Variants in AMZ1 observed in about 807,000 individuals in gnomAD.
AMZ1 encodes archaelysin family metallopeptidase 1.
A neutral mutation model predicts 29.9 loss-of-function variants in AMZ1; 39 were observed. The observed-to-expected ratio is 1.30, with a 90% CI of 1.01 to 1.70. The LOEUF is 1.70. Ranked by LOEUF, AMZ1 falls within the 40% of genes most tolerant of loss-of-function variation. The pLI is 0.00. For missense variants in AMZ1, 1,041 were observed against 680.6 expected, an observed-to-expected ratio of 1.53 and a Z score of -5.89; for synonymous variants, 458 against 304.0, an observed-to-expected ratio of 1.51 and a Z score of -5.27.
Position 2,712,445 on chromosome 7 carries a change from A to G in AMZ1, c.1064A>G (p.Glu355Gly). 8.7e-6 allele frequency: 14 copies of G among 1,611,792 alleles called. No individual in the cohort carries two copies. Among genetic ancestry groups the G allele is most frequent in the Non-Finnish European group, 1.2e-5 (14 of 1,179,710 alleles). Residue 355 changes from glutamate to glycine, a missense_variant, in exon 7 of 7, where the codon GAG becomes GGG. By Grantham distance (98) the Glu-to-Gly change is moderately conservative (BLOSUM62 -2). Coordinates refer to ENST00000683327, the MANE Select transcript of AMZ1 (RefSeq NM_001384743.1). The stretch of plus-strand genomic sequence containing the variant: ...AGCGCCGACTCGGGCATGTGCTGTG[A>G]GAGTGACTCGGAGCCCGGCACCAGT... The part of the protein sequence containing the change: ...PASADSGMCC[E>G]SDSEPGTSVS...
chr7:2,688,464 G>T (rs950462011), intron 1 of AMZ1, among the ~76,000 whole-genome samples, 168 bp downstream of exon 1: 3 of 152,080 alleles, frequency 2.0e-5, no homozygotes, highest in Admixed American at 2.0e-4. Context: ...GAGACGCGAA[G>T]GGCGCACTTG....
upstream of AMZ1, chr7:2,762,289 G>C (rs949647426): frequency 3.9e-6 from 1 of 255,382 alleles, no homozygotes; most frequent in East Asian, 6.8e-5. Flanking sequence ...GCACATGGCG[G>C]GGCCGGCGTG....
intron 5 of AMZ1, 111 bp from the exon 6 acceptor site, chr7:2,709,529 G>C: frequency 6.8e-7 from 1 of 1,463,048 alleles, no homozygotes; most frequent in South Asian, 1.3e-5. Flanking sequence ...CCACCTCCCG[G>C]CCATCTGGCC....
intron 4 of AMZ1, among the ~76,000 whole-genome samples, chr7:2,755,199 T>G (rs992125341): frequency 6.6e-6 from 1 of 151,984 alleles, no homozygotes; most frequent in Non-Finnish European, 1.5e-5. Flanking sequence ...TCAGGGAGAG[T>G]GGCCCCTCCC....
chr7:2,755,334 T>A (rs1472554437), intron 4 of AMZ1, among the ~76,000 whole-genome samples: 2 of 152,248 alleles, frequency 1.3e-5, no homozygotes, highest in Non-Finnish European at 2.9e-5. Context: ...CAAATCTGTG[T>A]ATCAATCAGG....
At chr7:2,709,938 A>G (rs1012800027) in intron 6 of AMZ1, 122 bp downstream of exon 6, 7 of 1,349,006 alleles carry the variant, frequency 5.2e-6, no homozygotes, top group African/African-American at 2.9e-5. Context: ...GCCGGGTTCC[A>G]GGCAGTGCAG....
upstream of AMZ1, among the ~76,000 whole-genome samples, chr7:2,684,207 T>A (rs1012733433): frequency 3.9e-5 from 6 of 152,044 alleles, no homozygotes; most frequent in African/African-American, 1.4e-4. Flanking sequence ...ATTTTTTACA[T>A]TGTCTTGTTC....
intron 1 of AMZ1, among the ~76,000 whole-genome samples, chr7:2,695,541 A>C (rs1238138868): frequency 1.1e-4 from 15 of 133,340 alleles, no homozygotes. Flanking sequence ...ACATAGTGAG[A>C]CTCTTCTCTA....
rs766596673 is a variant in AMZ1, at chr7:2,731,601, G to A, written n.550+21785G>A. The A allele has an allele frequency of 6.2e-5, 100 of 1,613,732 alleles. 1 individual carries two copies. Among genetic ancestry groups the A allele is most frequent in the African/African-American group, 1.5e-4 (11 of 74,902 alleles). ...TGAACAGGATGGACGTGATCCCGTCGAAGCACTGGAACCACTTCTGGCGCT... is the reference window on the plus strand; with the variant it reads ...TGAACAGGATGGACGTGATCCCGTCAAAGCACTGGAACCACTTCTGGCGCT... On this transcript the variant is annotated intron_variant and non_coding_transcript_variant, in intron 4 of 4. Coordinates refer to the AMZ1 transcript ENST00000489665. This position sits in a 1 kb window ranked among gnomAD's most constrained non-coding sequence, Gnocchi z 6.0.
rs1309376608 is a variant in AMZ1, at chr7:2,758,396, G to A, written n.551-6316G>A. On this transcript the variant is annotated intron_variant and non_coding_transcript_variant, in intron 4 of 4. Transcript: ENST00000489665. ...TGCAGGCTTGCACATGAAAGAGGGT[G>A]TAAAGGGCAGACAGTGTCTCAGCAG... Among the ~76,000 whole-genome samples the A allele has an allele frequency of 2.6e-5, 4 of 152,226 alleles. 1 individual carries two copies. The highest frequency in any genetic ancestry group is 2.6e-4 in the Admixed American group (4 of 15,292).
chr7:2,697,622 G>T (rs1468268704), intron 1 of AMZ1, among the ~76,000 whole-genome samples: 2 of 151,660 alleles, frequency 1.3e-5, no homozygotes, highest in Non-Finnish European at 2.9e-5. Context: ...ATGAGATTTT[G>T]CCATGTTGCC....
At chr7:2,753,588 A>G (rs547426629) in intron 4 of AMZ1, among the ~76,000 whole-genome samples, 8 of 152,232 alleles carry the variant, frequency 5.3e-5, no homozygotes, top group African/African-American at 1.9e-4. Flanking sequence ...CCATTTACCA[A>G]TCTAGAGACA....
intron 4 of AMZ1, among the ~76,000 whole-genome samples, chr7:2,744,246 T>G (rs1397707396): frequency 7.2e-5 from 11 of 152,076 alleles, no homozygotes; most frequent in Non-Finnish European, 1.6e-4. Flanking sequence ...TGACCCTGAG[T>G]AGCCTAACTG....
chr7:2,690,358 A>AG (rs1562356257), intron 1 of AMZ1, among the ~76,000 whole-genome samples: 1 of 152,208 alleles, frequency 6.6e-6, no homozygotes, highest in African/African-American at 2.4e-5. Flanking sequence ...AGCTGGGACC[A>AG]CAGGCATGCA....
chr7:2,685,855 GAAA>G (rs10710624), upstream of AMZ1, among the ~76,000 whole-genome samples: 2 of 86,746 alleles, frequency 2.3e-5, no homozygotes, highest in African/African-American at 7.8e-5. Context: ...TCCGTCTCAA[GAAA>G]AAAAAAAAAA....
At chr7:2,733,771 G>A (rs1011406360) in intron 4 of AMZ1, among the ~76,000 whole-genome samples, 1 of 152,202 alleles carries the variant, frequency 6.6e-6, no homozygotes, top group Non-Finnish European at 1.5e-5. Flanking sequence ...TGTGTGGTGC[G>A]ATGCAGGCCC....
downstream of AMZ1, among the ~76,000 whole-genome samples, chr7:2,722,156 A>C (rs1789451219): frequency 6.6e-6 from 1 of 152,156 alleles, no homozygotes; most frequent in Non-Finnish European, 1.5e-5. Flanking sequence ...CAGGAAAGGG[A>C]GTTCAGGACA....
rs1330916243 is a variant in AMZ1 at position 2,700,863 on chromosome 7, G to A, written c.304+108G>A. On this transcript the variant is annotated intron_variant, in intron 2 of 6. Coordinates refer to ENST00000683327, the MANE Select transcript of AMZ1 (RefSeq NM_001384743.1). Reference sequence around the variant, plus strand: ...CCCAGGCAGGACTGAAATGAGGGAAGAGGGTCCTGGGTGTATGGGATGCCA... The same window carrying A: ...CCCAGGCAGGACTGAAATGAGGGAAAAGGGTCCTGGGTGTATGGGATGCCA... 2.1e-6 allele frequency: 3 copies of A among 1,421,472 alleles called. No homozygotes were observed. In the East Asian group the frequency reaches 7.1e-5, roughly 34 times the overall value. The allele number at this position is 1,421,472 out of a possible 1,614,324, so 88.1% of individuals were successfully genotyped here. A position where few individuals can be genotyped will look rare whatever the true frequency, so the allele number is the denominator to read the frequency against.
upstream of AMZ1, among the ~76,000 whole-genome samples, chr7:2,686,907 G>C (rs900801064): frequency 2.6e-5 from 4 of 151,748 alleles, no homozygotes; most frequent in Admixed American, 1.3e-4. Flanking sequence ...TAGAGACGGG[G>C]TTTGACCATA....
Sources: gnomAD v4.1 joint callset for allele counts (sites outside exome capture counted in the v4.1 genomes callset) on GRCh38, gnomAD v4.1.1 for gene constraint, Gnocchi (gnomAD v3.1) non-coding constraint, MANE v1.5 for transcripts, NCBI Gene and HGNC (gene_info 2026-07-23, HGNC 2026-07-21) for gene names.